The following RPS6KC1 variants were observed in gnomAD, a reference collection of about 807,000 sequenced individuals.
The protein encoded by RPS6KC1 is inactive ribosomal protein S6 kinase delta-1.
RPS6KC1 carries 54 observed loss-of-function variants against 103.8 expected under a neutral mutation model. The ratio of observed to expected loss-of-function variants is 0.52; its 90% CI spans 0.42 to 0.65. RPS6KC1 has a LOEUF of 0.65. Among genes scored for constraint, RPS6KC1 ranks in the 30% least tolerant of loss-of-function variants. RPS6KC1 has a pLI of 0.00. For synonymous variants in RPS6KC1, 439 were observed against 438.7 expected (o/e 1.00, Z -0.01); for missense variants, 1,151 against 1,253.8 (o/e 0.92, Z 1.24).
chr1:213,410,366 G>A, the RPS6KC1 span, among the ~76,000 whole-genome samples: 1 of 152,268 alleles, frequency 6.6e-6, no homozygotes, highest in African/African-American at 2.4e-5. Context: ...GAAAGGCCAG[G>A]CTAAGGTGGA....
the RPS6KC1 span, among the ~76,000 whole-genome samples, chr1:213,456,611 C>G: frequency 6.6e-6 from 1 of 152,132 alleles, no homozygotes. Flanking sequence ...GAGTATTAAA[C>G]CTATTAATTT....
chr1:213,516,972 AG>A, the RPS6KC1 span, among the ~76,000 whole-genome samples: 2 of 152,216 alleles, frequency 1.3e-5, no homozygotes, highest in Non-Finnish European at 2.9e-5. Flanking sequence ...GTATGTGTCA[AG>A]GAATTTATCC....
chr1:213,800,626 A>G, the RPS6KC1 span, among the ~76,000 whole-genome samples: 1 of 152,198 alleles, frequency 6.6e-6, no homozygotes, highest in Non-Finnish European at 1.5e-5. Flanking sequence ...AGTAAAGAAC[A>G]ATTCTCCTTA....
At chr1:213,395,906 T>G in the RPS6KC1 span, among the ~76,000 whole-genome samples, 1 of 152,146 alleles carries the variant, frequency 6.6e-6, no homozygotes, top group Non-Finnish European at 1.5e-5. Context: ...AAGAATCCAT[T>G]TACATTGGAT....
intron 8 of RPS6KC1, among the ~76,000 whole-genome samples, chr1:213,204,663 A>G (rs2093283286): frequency 7.1e-6 from 1 of 140,708 alleles, no homozygotes; most frequent in Non-Finnish European, 1.5e-5. Context: ...TCACTCTGTC[A>G]CCCAGGCTGG....
chr1:213,377,789 G>T, the RPS6KC1 span, among the ~76,000 whole-genome samples: 1 of 152,178 alleles, frequency 6.6e-6, no homozygotes, highest in African/African-American at 2.4e-5. Flanking sequence ...GCTCAGTTTG[G>T]GAGGAAGAGA....
At chr1:213,480,964 A>T in the RPS6KC1 span, among the ~76,000 whole-genome samples, 3 of 152,308 alleles carry the variant, frequency 2.0e-5, no homozygotes, top group South Asian at 6.2e-4. Flanking sequence ...CAACGCATTT[A>T]TGAGACAGAT....
At chr1:213,444,178 G>C in the RPS6KC1 span, among the ~76,000 whole-genome samples, 4 of 152,100 alleles carry the variant, frequency 2.6e-5, no homozygotes, top group African/African-American at 9.7e-5. Flanking sequence ...TTCTCTCTCT[G>C]TGCATGTCTG....
the RPS6KC1 span, among the ~76,000 whole-genome samples, chr1:213,515,716 C>CT: frequency 1.3e-5 from 2 of 152,112 alleles, no homozygotes; most frequent in African/African-American, 2.4e-5. Flanking sequence ...AATGCGGGCT[C>CT]TTTTTTGATT....
intron 12 of RPS6KC1, among the ~76,000 whole-genome samples, chr1:213,249,678 G>A (rs530513587): frequency 1.4e-3 from 210 of 152,318 alleles, no homozygotes; most frequent in African/African-American, 5.0e-3. Flanking sequence ...ATGATCAATG[G>A]AAAATGGGGC....
intron 1 of RPS6KC1, among the ~76,000 whole-genome samples, chr1:213,064,317 A>T (rs930087072): frequency 6.6e-6 from 1 of 151,332 alleles, no homozygotes; most frequent in African/African-American, 2.4e-5. Flanking sequence ...TTGGCCTCCC[A>T]AAGTGTTGGG....
chr1:213,370,459 G>A, the RPS6KC1 span, among the ~76,000 whole-genome samples: 3 of 151,878 alleles, frequency 2.0e-5, no homozygotes, highest in South Asian at 2.1e-4. Context: ...TGTGCACTTC[G>A]GGATGTATGA....
intron 6 of RPS6KC1, among the ~76,000 whole-genome samples, chr1:213,132,485 A>G (rs1318586595): frequency 6.6e-6 from 1 of 152,230 alleles, no homozygotes; most frequent in Non-Finnish European, 1.5e-5. Context: ...TAAGATCAGG[A>G]CAGTGCTTCC....
chr1:213,741,531 T>C, the RPS6KC1 span, among the ~76,000 whole-genome samples: 4 of 112,068 alleles, frequency 3.6e-5, no homozygotes, highest in Non-Finnish European at 7.9e-5. Context: ...ATCAACGTGC[T>C]GGAAAAAAAA....
At chr1:213,650,639 G>A in the RPS6KC1 span, among the ~76,000 whole-genome samples, 1 of 152,148 alleles carries the variant, frequency 6.6e-6, no homozygotes, top group Admixed American at 6.5e-5. Context: ...GGAACTGTTT[G>A]GAATTGGGAT....
chr1:213,728,213 A>G, the RPS6KC1 span, among the ~76,000 whole-genome samples: 1 of 152,174 alleles, frequency 6.6e-6, no homozygotes, highest in East Asian at 1.9e-4. Context: ...AGCCTTTCGC[A>G]GAGACTAAGA....
the RPS6KC1 span, among the ~76,000 whole-genome samples, chr1:213,393,308 G>C: frequency 6.6e-6 from 1 of 152,154 alleles, no homozygotes; most frequent in African/African-American, 2.4e-5. Context: ...TCCAAAAACA[G>C]TTTCTTGGAG....
rs1048451194 is a variant in RPS6KC1, at chr1:213,241,504, T to A, written c.2028T>A (p.Ala676=). 6.2e-7 allele frequency: 1 copy of A among 1,613,990 alleles called. No homozygotes were observed. Among genetic ancestry groups the A allele is most frequent in the Non-Finnish European group, 8.5e-7 (1 of 1,179,908 alleles). The part of the protein sequence containing the change: ...DSVPVISFKD[A]AFDDVSGTDE... Reference sequence around the variant, plus strand: ...TGCCAGTTATTTCATTTAAAGATGCTGCTTTTGATGATGTCAGTGGTACTG... The same window carrying A: ...TGCCAGTTATTTCATTTAAAGATGCAGCTTTTGATGATGTCAGTGGTACTG... The change falls in exon 11 of 15, where the codon GCT becomes GCA. Residue 676 remains alanine, a synonymous_variant. Transcript: ENST00000366960.
chr1:213,570,649 C>T, the RPS6KC1 span, among the ~76,000 whole-genome samples: 4 of 152,198 alleles, frequency 2.6e-5, no homozygotes, highest in Non-Finnish European at 4.4e-5. Context: ...TGAGTCTCAT[C>T]TGGCTTGTGA....
Sources: gnomAD v4.1 joint callset for allele counts (sites outside exome capture counted in the v4.1 genomes callset) on GRCh38, gnomAD v4.1.1 for gene constraint, MANE v1.5 for transcripts, NCBI Gene and HGNC (gene_info 2026-07-23, HGNC 2026-07-21) for gene names.